SLC30A8: variants seen among roughly 807,000 people sequenced by gnomAD.
SLC30A8 encodes the protein proton-coupled zinc antiporter SLC30A8.
A neutral mutation model predicts 36.9 loss-of-function variants in SLC30A8; 27 were observed. The ratio of observed to expected loss-of-function variants is 0.73; its 90% CI spans 0.54 to 1.01. SLC30A8 has a LOEUF of 1.01. Ranked by LOEUF, SLC30A8 falls within the 50% of genes least tolerant of loss-of-function variation. The pLI is 0.00. For missense variants in SLC30A8, 439 were observed against 452.0 expected (o/e 0.97, Z 0.26); for synonymous variants, 164 against 172.4 (o/e 0.95, Z 0.38).
intron 4 of SLC30A8, 131 bp from the exon 5 acceptor site, chr8:117,161,607 C>A (rs1822792300): frequency 2.4e-6 from 2 of 848,536 alleles, no homozygotes; most frequent in Non-Finnish European, 3.6e-6. Flanking sequence ...AAAGATAGTT[C>A]TTTTTAAAGC....
At chr8:116,978,942 T>A (rs906687034) in intron 1 of SLC30A8, among the ~76,000 whole-genome samples, 22 of 151,428 alleles carry the variant, frequency 1.5e-4, no homozygotes, top group Admixed American at 7.9e-4. Flanking sequence ...CTTTTTTTTT[T>A]AAATCATAAG....
rs751562383 is a variant in SLC30A8, at chr8:117,172,603, G to T, written c.1032G>T (p.Met344Ile). 2 of 1,613,764 alleles carry T rather than the reference G, an allele frequency of 1.2e-6. No individual in the cohort carries two copies. Among genetic ancestry groups the T allele is most frequent in the Admixed American group, 3.3e-5 (2 of 59,990 alleles). Residue 344 changes from methionine (M) to isoleucine (I), a missense_variant, in exon 8 of 8, where the codon ATG (methionine) becomes ATT (isoleucine). Coordinates refer to ENST00000456015, the MANE Select transcript of SLC30A8 (RefSeq NM_173851.3). ...IAKALSKSFT[M>I]HSLTIQMESP... Reference sequence around the variant, plus strand: ...AAGCCCTTAGCAAAAGCTTTACGATGCACTCACTCACCATTCAGATGGAAT... The same window carrying T: ...AAGCCCTTAGCAAAAGCTTTACGATTCACTCACTCACCATTCAGATGGAAT...
At chr8:117,041,459 G>A (rs1019717435) in intron 2 of SLC30A8, among the ~76,000 whole-genome samples, 5 of 152,168 alleles carry the variant, frequency 3.3e-5, no homozygotes, top group Admixed American at 6.6e-5. Flanking sequence ...AGGCCAAGGC[G>A]GGTGGATAGC....
chr8:117,164,026 C>G (rs942564754), intron 6 of SLC30A8: 1 of 152,758 alleles, frequency 6.5e-6, no homozygotes, highest in East Asian at 1.9e-4. Context: ...ACACAGCTCT[C>G]TTCTGAAGTT....
chr8:117,055,795 T>C (rs936596885), intron 2 of SLC30A8: 1 of 152,168 alleles, frequency 6.6e-6, no homozygotes, highest in Non-Finnish European at 1.5e-5. Context: ...GTGTAAGGCC[T>C]GGATAATAAA....
At chr8:117,122,073 GC>G (rs1007138275) in intron 2 of SLC30A8, among the ~76,000 whole-genome samples, 1 of 151,832 alleles carries the variant, frequency 6.6e-6, no homozygotes, top group Non-Finnish European at 1.5e-5. Flanking sequence ...TATTAGAGTG[GC>G]CCTTTTTATG....
upstream of SLC30A8, among the ~76,000 whole-genome samples, chr8:117,132,122 A>T (rs1282805648): frequency 6.6e-6 from 1 of 152,082 alleles, no homozygotes; most frequent in African/African-American, 2.4e-5. Context: ...ACACATTGGC[A>T]ACATGAAGTA....
intron 2 of SLC30A8, among the ~76,000 whole-genome samples, chr8:117,098,800 T>TA (rs1261136322): frequency 6.6e-6 from 1 of 152,058 alleles, no homozygotes; most frequent in Non-Finnish European, 1.5e-5. Flanking sequence ...GCAAAAAAGA[T>TA]AGAGATGAAT....
At chr8:117,038,655 A>T (rs1817290722) in intron 1 of SLC30A8, among the ~76,000 whole-genome samples, 1 of 152,228 alleles carries the variant, frequency 6.6e-6, no homozygotes, top group Admixed American at 6.5e-5. Flanking sequence ...TGGAAGTGTT[A>T]AAAGGTATAT....
At position 117,172,899 on chromosome 8, in the gene SLC30A8, T is replaced by G; in HGVS notation, c.*218T>G. 1.7e-6 allele frequency: 1 copy of G among 577,754 alleles called. No individual in the cohort carries two copies. 35.8% of individuals were successfully genotyped at this position (577,754 alleles called of 1,614,324 possible). A position where few individuals can be genotyped will look rare whatever the true frequency, so the allele number is the denominator to read the frequency against. On this transcript the variant is annotated 3_prime_UTR_variant, in exon 8 of 8. Coordinates refer to ENST00000456015, the MANE Select transcript of SLC30A8 (RefSeq NM_173851.3). ...TATACTGATCAGTAGCTGTGTTCAATTGCAGGAATGTGTATATAGATTATT... is the reference window on the plus strand; with the variant it reads ...TATACTGATCAGTAGCTGTGTTCAAGTGCAGGAATGTGTATATAGATTATT...
intron 1 of SLC30A8, among the ~76,000 whole-genome samples, chr8:117,020,105 A>C (rs1018862951): frequency 6.6e-6 from 1 of 152,186 alleles, no homozygotes; most frequent in African/African-American, 2.4e-5. Flanking sequence ...GACTCTGTTG[A>C]AAGGGGAGGA....
At chr8:116,955,667 T>G (rs2130578631) in intron 1 of SLC30A8, among the ~76,000 whole-genome samples, 1 of 151,522 alleles carries the variant, frequency 6.6e-6, no homozygotes, top group East Asian at 1.9e-4. Context: ...GAGGCAAAAG[T>G]TGCTGAGATC....
At chr8:117,093,625 C>T (rs549875909) in intron 2 of SLC30A8, among the ~76,000 whole-genome samples, 10 of 152,232 alleles carry the variant, frequency 6.6e-5, no homozygotes, top group African/African-American at 1.9e-4. Flanking sequence ...ATGAATAAAA[C>T]TAACTAGTAA....
At chr8:117,143,124 A>G (rs557947136) in intron 1 of SLC30A8, among the ~76,000 whole-genome samples, 6 of 152,198 alleles carry the variant, frequency 3.9e-5, no homozygotes, top group Non-Finnish European at 8.8e-5. Flanking sequence ...TACCAACATT[A>G]TTTTGGAGAT....
At chr8:117,091,568 GTAAGGGAAA>G (rs1819128358) in intron 2 of SLC30A8, among the ~76,000 whole-genome samples, 1 of 152,124 alleles carries the variant, frequency 6.6e-6, no homozygotes, top group African/African-American at 2.4e-5. Flanking sequence ...TATCTTGGTG[GTAAGGGAAA>G]TAAACCCTGT....
chr8:117,006,304 G>T (rs191653908), intron 1 of SLC30A8, among the ~76,000 whole-genome samples: 1 of 152,122 alleles, frequency 6.6e-6, no homozygotes, highest in South Asian at 2.1e-4. Context: ...GTTTAATGTT[G>T]TCAGGCTTTT....
intron 1 of SLC30A8, among the ~76,000 whole-genome samples, chr8:117,014,973 G>A (rs1816466379): frequency 6.6e-6 from 1 of 151,068 alleles, no homozygotes. Context: ...CGAACCCCTG[G>A]CATTTGGTAA....
chr8:117,069,338 C>T (rs1243852444), intron 2 of SLC30A8, among the ~76,000 whole-genome samples: 1 of 152,082 alleles, frequency 6.6e-6, no homozygotes, highest in Admixed American at 6.5e-5. Context: ...TGTTTTCAAC[C>T]AAAGAGTTAT....
intron 1 of SLC30A8, among the ~76,000 whole-genome samples, chr8:116,973,823 A>G (rs1334325163): frequency 1.3e-5 from 2 of 152,248 alleles, no homozygotes; most frequent in Non-Finnish European, 2.9e-5. Context: ...ACAGCATGGT[A>G]GTGGTACCAA....
Sources: allele counts gnomAD v4.1 joint callset (sites outside exome capture counted in the v4.1 genomes callset), GRCh38; gene constraint gnomAD v4.1.1; transcripts MANE v1.5; gene names NCBI Gene and HGNC (gene_info 2026-07-23, HGNC 2026-07-21).